Variants in HMCN1 observed in about 807,000 individuals in gnomAD.
HMCN1 encodes hemicentin-1.
HMCN1 carries 321 observed loss-of-function variants against 625.9 expected under a neutral mutation model. The ratio of observed to expected loss-of-function variants is 0.51; its 90% CI spans 0.47 to 0.56. The LOEUF is 0.56. HMCN1 is among the 20% of genes least tolerant of loss of function. HMCN1 has a pLI of 0.00. For synonymous variants in HMCN1, 2,425 were observed against 2,417.6 expected (o/e 1.00, Z -0.09); for missense variants, 6,588 against 6,887.3 (o/e 0.96, Z 1.54).
chr1:186,045,675 A>T lies in HMCN1; in HGVS notation c.6305-13A>T, dbSNP rs755702010. The T allele has an allele frequency of 6.2e-7, 1 of 1,608,290 alleles. No homozygotes were observed. Among genetic ancestry groups the T allele is most frequent in the Non-Finnish European group, 8.5e-7 (1 of 1,174,846 alleles). On this transcript the variant is annotated splice_polypyrimidine_tract_variant and intron_variant, in intron 40 of 106. Transcript: ENST00000271588. Reference sequence around the variant, plus strand: ...CCTGTTTTATCCTGAAAGAAAACCCATCTTTCATGTAGTTCCGCCAAATAT... The same window carrying T: ...CCTGTTTTATCCTGAAAGAAAACCCTTCTTTCATGTAGTTCCGCCAAATAT...
intron 5 of HMCN1, among the ~76,000 whole-genome samples, chr1:185,911,384 C>A (rs918230096): frequency 6.6e-6 from 1 of 151,986 alleles, no homozygotes; most frequent in African/African-American, 2.4e-5. Flanking sequence ...GTTTCCAATG[C>A]CTGGACACCT....
intron 1 of HMCN1, among the ~76,000 whole-genome samples, chr1:185,793,497 A>G (rs979628802): frequency 2.6e-5 from 4 of 152,168 alleles, no homozygotes; most frequent in Non-Finnish European, 1.5e-5. Context: ...AAGATCCTGA[A>G]TTTAATCATA....
At chr1:185,788,152 TG>T (rs141572847) in intron 1 of HMCN1, among the ~76,000 whole-genome samples, 2,703 of 152,334 alleles carry the variant, frequency 0.018, 79 homozygotes, top group African/African-American at 0.062. Context: ...TTCTGATTTT[TG>T]GTTTTGAAAT....
chr1:185,893,254 C>T (rs755344681), intron 4 of HMCN1, among the ~76,000 whole-genome samples: 8 of 152,184 alleles, frequency 5.3e-5, no homozygotes, highest in Non-Finnish European at 8.8e-5. Context: ...GATGGAAATG[C>T]AGAAATCACC....
At chr1:185,883,401 C>T (rs1664431375) in intron 4 of HMCN1, among the ~76,000 whole-genome samples, 1 of 152,038 alleles carries the variant, frequency 6.6e-6, no homozygotes, top group Non-Finnish European at 1.5e-5. Context: ...CTTATGCCCC[C>T]TTTCACTCAC....
chr1:186,171,542 G>T, intron 101 of HMCN1, 92 bp downstream of exon 101: 1 of 994,500 alleles, frequency 1.0e-6, no homozygotes, highest in Non-Finnish European at 1.6e-6. Context: ...CTTGGTACTG[G>T]TTCCTATATA....
intron 97 of HMCN1, among the ~76,000 whole-genome samples, chr1:186,159,627 G>T (rs2102599026): frequency 6.6e-6 from 1 of 152,294 alleles, no homozygotes; most frequent in African/African-American, 2.4e-5. Flanking sequence ...TTTTTAGCAT[G>T]AAGTGTTGTT....
intron 4 of HMCN1, among the ~76,000 whole-genome samples, chr1:185,879,568 A>G (rs1216805785): frequency 1.3e-5 from 2 of 152,102 alleles, no homozygotes; most frequent in African/African-American, 2.4e-5. Flanking sequence ...TATTCATTCC[A>G]TAACATTGTT....
chr1:185,848,287 A>G (rs1041963273), intron 2 of HMCN1, among the ~76,000 whole-genome samples: 2 of 152,032 alleles, frequency 1.3e-5, no homozygotes, highest in Non-Finnish European at 2.9e-5. Context: ...GCTAAATGCA[A>G]TGGAAATGCT....
At chr1:186,155,358 C>T (rs182590066) in intron 97 of HMCN1, among the ~76,000 whole-genome samples, 2 of 152,248 alleles carry the variant, frequency 1.3e-5, no homozygotes, top group African/African-American at 4.8e-5. Context: ...TTACTATTGC[C>T]ATGCATGCCA....
At chr1:186,120,722 A>G (rs533440795) in intron 80 of HMCN1, among the ~76,000 whole-genome samples, 1 of 152,350 alleles carries the variant, frequency 6.6e-6, no homozygotes. Context: ...CCTATGGTAG[A>G]TTCATGAATA....
At chr1:185,752,356 T>C (rs1441642615) in intron 1 of HMCN1, among the ~76,000 whole-genome samples, 1 of 152,140 alleles carries the variant, frequency 6.6e-6, no homozygotes, top group East Asian at 1.9e-4. Flanking sequence ...ACCATAAAAA[T>C]CGTGCCGACA....
At chr1:185,965,472 T>G (rs749784902) in intron 13 of HMCN1, among the ~76,000 whole-genome samples, 11 of 152,132 alleles carry the variant, frequency 7.2e-5, no homozygotes, top group Non-Finnish European at 1.5e-4. Flanking sequence ...TTCTCTAAGA[T>G]GTATTCTGAT....
intron 1 of HMCN1, among the ~76,000 whole-genome samples, chr1:185,791,725 TAAACAAAC>T (rs142418524): frequency 6.6e-5 from 10 of 151,714 alleles, no homozygotes; most frequent in African/African-American, 2.4e-4. Flanking sequence ...ATCTCAAAAA[TAAACAAAC>T]AAACAAACAA....
intron 15 of HMCN1, among the ~76,000 whole-genome samples, chr1:185,975,887 GAC>G (rs144472059): frequency 8.0e-4 from 120 of 149,166 alleles, no homozygotes; most frequent in African/African-American, 2.1e-3. Context: ...TTATGCACCA[GAC>G]ACACACACAC....
rs1657784328 is a variant in HMCN1 at position 186,062,670 on chromosome 1, C to A, written c.7513+70C>A. 7 of 1,025,446 alleles carry A rather than the reference C, an allele frequency of 6.8e-6. No homozygotes were observed. The South Asian group carries it at 7.7e-5, about 11-fold the overall frequency. The allele number at this position is 1,025,446 out of a possible 1,614,324, so 63.5% of individuals were successfully genotyped here. ...GATAGTCATTGCCTCCACTATATAT[C>A]TTAAAAATTTTTTATATATTTAGGG... On this transcript the variant is annotated intron_variant, in intron 48 of 106. Coordinates refer to ENST00000271588, the MANE Select transcript of HMCN1 (RefSeq NM_031935.3).
intron 1 of HMCN1, among the ~76,000 whole-genome samples, chr1:185,787,138 TGTA>T (rs959311081): frequency 7.3e-6 from 1 of 137,838 alleles, no homozygotes; most frequent in African/African-American, 3.0e-5. Flanking sequence ...AGCGCCATGA[TGTA>T]TGTGTGTGTG....
intron 4 of HMCN1, among the ~76,000 whole-genome samples, chr1:185,894,523 A>T (rs1327436656): frequency 6.6e-6 from 1 of 152,198 alleles, no homozygotes; most frequent in Non-Finnish European, 1.5e-5. Flanking sequence ...GAAGTGGGAA[A>T]GATGGATCAC....
chr1:186,024,875 A>T (rs1654959890), intron 36 of HMCN1, among the ~76,000 whole-genome samples: 1 of 152,206 alleles, frequency 6.6e-6, no homozygotes, highest in Non-Finnish European at 1.5e-5. Flanking sequence ...TTCTTGGAAG[A>T]CAATTTTCCC....
Sources: gnomAD v4.1 joint callset for allele counts (sites outside exome capture counted in the v4.1 genomes callset) on GRCh38, gnomAD v4.1.1 for gene constraint, MANE v1.5 for transcripts, NCBI Gene and HGNC (gene_info 2026-07-23, HGNC 2026-07-21) for gene names.